DAPK1: variants seen among roughly 807,000 people sequenced by gnomAD.
The protein encoded by DAPK1 is death associated protein kinase 1, also known as death-associated protein kinase 1.
In DAPK1, 56 loss-of-function variants were observed where a neutral mutation model predicts 144.9. The observed-to-expected ratio is 0.39, with a 90% CI of 0.31 to 0.48. DAPK1 has a LOEUF of 0.48. Among genes scored for constraint, DAPK1 ranks in the 20% least tolerant of loss-of-function variants. The probability of loss-of-function intolerance (pLI) is 0.95; values close to 1 mark genes in which losing one functional copy is unlikely to be tolerated. For synonymous variants in DAPK1, 690 were observed against 749.0 expected, an observed-to-expected ratio of 0.92 and a Z score of 1.29; for missense variants, 1,454 against 1,875.4, an observed-to-expected ratio of 0.78 and a Z score of 4.15.
intron 2 of DAPK1, chr9:87,553,496 C>CTTTTTTTTT (rs869260287): frequency 1.2e-5 from 1 of 80,470 alleles, no homozygotes; most frequent in Non-Finnish European, 3.3e-5. Context: ...CTTTTCTTTT[C>CTTTTTTTTT]TTTTTTTTTT....
At chr9:87,589,320 C>G (rs928193926) in intron 2 of DAPK1, among the ~76,000 whole-genome samples, 1 of 152,128 alleles carries the variant, frequency 6.6e-6, no homozygotes, top group African/African-American at 2.4e-5. Flanking sequence ...TCCCTCACCA[C>G]CTTTCCGATA....
Position 87,685,174 on chromosome 9 carries a change from A to G in DAPK1, c.2225-1377A>G, listed in dbSNP as rs1887792. Among the ~76,000 whole-genome samples, 241 of 152,368 alleles carry G rather than the reference A, an allele frequency of 1.6e-3. 1 individual carries two copies. The highest frequency in any genetic ancestry group is 5.4e-3 in the African/African-American group (226 of 41,590). On this transcript the variant is annotated intron_variant, in intron 20 of 25. Coordinates refer to ENST00000408954, the MANE Select transcript of DAPK1 (RefSeq NM_004938.4). Reference sequence around the variant, plus strand: ...TTTCTATTTACATTCCTATCTGCCAACTTTCCTACAGAAATAGAATATGTG... The same window carrying G: ...TTTCTATTTACATTCCTATCTGCCAGCTTTCCTACAGAAATAGAATATGTG...
At chr9:87,682,837 G>T (rs187147897) in intron 20 of DAPK1, among the ~76,000 whole-genome samples, 1 of 152,184 alleles carries the variant, frequency 6.6e-6, no homozygotes, top group African/African-American at 2.4e-5. Context: ...TCTCTGAGGC[G>T]CACAGGTGGC....
intron 2 of DAPK1, among the ~76,000 whole-genome samples, chr9:87,565,131 G>A (rs868246443): frequency 5.1e-4 from 78 of 152,166 alleles, no homozygotes; most frequent in African/African-American, 1.9e-3. Flanking sequence ...CCGAGGTCAC[G>A]AATGCTCCAG....
intron 18 of DAPK1, among the ~76,000 whole-genome samples, chr9:87,660,976 C>G (rs1830824372): frequency 6.6e-6 from 1 of 152,212 alleles, no homozygotes; most frequent in East Asian, 1.9e-4. Context: ...TCCCAAGTAG[C>G]TGGGACTACA....
chr9:87,517,586 T>C (rs1825111452), intron 2 of DAPK1, among the ~76,000 whole-genome samples: 1 of 152,180 alleles, frequency 6.6e-6, no homozygotes, highest in Non-Finnish European at 1.5e-5. Flanking sequence ...AATTACAAAA[T>C]CCTGAACTGA....
chr9:87,680,975 T>C (rs1209599675), intron 19 of DAPK1, among the ~76,000 whole-genome samples: 2 of 152,116 alleles, frequency 1.3e-5, no homozygotes, highest in African/African-American at 2.4e-5. Context: ...AAAGTTTTCA[T>C]TGGAGATAGA....
intron 17 of DAPK1, among the ~76,000 whole-genome samples, chr9:87,653,587 T>C (rs1830533323): frequency 6.6e-6 from 1 of 152,190 alleles, no homozygotes; most frequent in African/African-American, 2.4e-5. Context: ...AATTGTAACA[T>C]CTTTCTAGAG....
rs368830486 is a variant in DAPK1, at chr9:87,605,016, A to C, written c.125A>C (p.Lys42Thr). ...AGCACCGGCCTCCAGTATGCCGCCA[A>C]ATTCATCAAGAAAAGGAGGACTAAG... ...EKSTGLQYAA[K>T]FIKKRRTKSS... Residue 42 changes from lysine to threonine, a missense_variant, in exon 3 of 26, where the codon AAA (lysine) becomes ACA (threonine). Physicochemically the swap from Lys to Thr is moderately conservative, Grantham distance 78 (BLOSUM62 -1). Around this residue, in one of 2 missense-constraint regions of DAPK1, gnomAD observed 429 missense variants for 637.5 expected, o/e 0.67. Transcript: ENST00000408954. 6.2e-7 allele frequency: 1 copy of C among 1,614,206 alleles called. No individual in the cohort carries two copies. The highest frequency in any genetic ancestry group is 8.5e-7 in the Non-Finnish European group (1 of 1,180,028).
intron 10 of DAPK1, 142 bp downstream of exon 10, chr9:87,642,200 C>T (rs1587801460): frequency 3.7e-6 from 2 of 546,280 alleles, no homozygotes; most frequent in East Asian, 6.1e-5. Context: ...GTGTTCTGCA[C>T]CATTACTCTA....
chr9:87,673,249 C>T (rs73483580), intron 19 of DAPK1, among the ~76,000 whole-genome samples: 2,959 of 152,244 alleles, frequency 0.019, 102 homozygotes, highest in African/African-American at 0.065. Context: ...CAGGTTGATC[C>T]AAAGCGCTGT....
intron 2 of DAPK1, chr9:87,525,351 GT>G (rs1825461899): frequency 1.2e-6 from 2 of 1,611,204 alleles, no homozygotes. Flanking sequence ...TTCGGCCAGG[GT>G]TCTCGCTCTT....
intron 13 of DAPK1, among the ~76,000 whole-genome samples, chr9:87,646,974 G>A (rs1830288957): frequency 6.6e-6 from 1 of 152,240 alleles, no homozygotes; most frequent in Admixed American, 6.5e-5. Context: ...CCTAACCAGA[G>A]AGGGGAGATG....
intron 2 of DAPK1, among the ~76,000 whole-genome samples, chr9:87,582,886 A>G (rs1469037151): frequency 1.3e-5 from 2 of 152,050 alleles, no homozygotes; most frequent in East Asian, 1.9e-4. Context: ...TCACTGTACC[A>G]TAAAAGACCT....
At chr9:87,590,577 C>G (rs748068170) in intron 2 of DAPK1, among the ~76,000 whole-genome samples, 1 of 151,794 alleles carries the variant, frequency 6.6e-6, no homozygotes, top group Non-Finnish European at 1.5e-5. Flanking sequence ...ATAATTTGTG[C>G]TACTTAAAAA....
rs765654768 is a variant in DAPK1, at chr9:87,649,888, T to G, written c.1429-33T>G. On this transcript the variant is annotated intron_variant, in intron 15 of 25. Transcript: ENST00000408954. ...TATACTTTGTTTCTCATTATTGTGT[T>G]CTCCTCCTCTCTGTACTCGTCTCCT... 5 of 1,607,686 alleles carry G rather than the reference T, an allele frequency of 3.1e-6. No individual in the cohort carries two copies. The East Asian group carries it at 6.7e-5, about 22-fold the overall frequency.
rs186247799 is a variant in DAPK1, at chr9:87,676,017, A to G, written c.2002-5387A>G. On this transcript the variant is annotated intron_variant, in intron 19 of 25. Transcript: ENST00000408954. ...GCAGGAGGTCTTGCCCACACCCTGG[A>G]TGCCCCAGGTCTCCTGAGTACCCTC... 1.9e-3 allele frequency among the ~76,000 whole-genome samples: 283 copies of G among 152,088 alleles called. 2 individuals are homozygous for G. The highest frequency in any genetic ancestry group is 6.8e-4 in the Non-Finnish European group (46 of 67,974).
intron 2 of DAPK1, among the ~76,000 whole-genome samples, chr9:87,536,563 A>T (rs1825866125): frequency 6.6e-6 from 1 of 152,166 alleles, no homozygotes; most frequent in Non-Finnish European, 1.5e-5. Flanking sequence ...TTAACCAATA[A>T]ATAACACAAT....
At chr9:87,500,255 A>C (rs1824342068) in intron 2 of DAPK1, among the ~76,000 whole-genome samples, 1 of 152,366 alleles carries the variant, frequency 6.6e-6, no homozygotes, top group East Asian at 1.9e-4. Context: ...CTAAATATTT[A>C]GTATCGACTG....
Sources: allele counts gnomAD v4.1 joint callset (sites outside exome capture counted in the v4.1 genomes callset), GRCh38; gene constraint gnomAD v4.1.1; regional missense constraint gnomAD v4.1.1; transcripts MANE v1.5; gene names NCBI Gene and HGNC (gene_info 2026-07-23, HGNC 2026-07-21).